BMP2K: variants seen among roughly 807,000 people sequenced by gnomAD.
BMP2K encodes BMP-2-inducible protein kinase.
A neutral mutation model predicts 116.0 loss-of-function variants in BMP2K; 74 were observed. The observed-to-expected ratio is 0.64, with a 90% confidence interval of 0.53 to 0.77. BMP2K has a LOEUF of 0.77. BMP2K is among the 30% of genes least tolerant of loss of function. BMP2K has a pLI of 0.00. For missense variants in BMP2K, 1,365 were observed against 1,403.6 expected (o/e 0.97, Z 0.44); for synonymous variants, 486 against 502.5 (o/e 0.97, Z 0.44).
Position 78,776,482 on chromosome 4 carries a change from C to T in BMP2K, c.-62C>T, listed in dbSNP as rs1727236623. 7.2e-6 allele frequency: 8 copies of T among 1,111,730 alleles called. No individual in the cohort carries two copies. The South Asian group carries it at 2.6e-4, about 36-fold the overall frequency. The allele number at this position is 1,111,730 out of a possible 1,614,324, so 68.9% of individuals were successfully genotyped here. A position where few individuals can be genotyped will look rare whatever the true frequency, so the allele number is the denominator to read the frequency against. ...GCGACCCCTCGCGGACGCCCGGCTG[C>T]GCGCCGGGCCGGGGACTTGCCCTTG... is the stretch of plus-strand genomic sequence containing the variant. On this transcript the variant is annotated 5_prime_UTR_variant, in exon 1 of 16. Transcript: ENST00000502613.
At chr4:78,866,879 G>A (rs1446756223) in intron 10 of BMP2K, among the ~76,000 whole-genome samples, 1 of 152,144 alleles carries the variant, frequency 6.6e-6, no homozygotes, top group African/African-American at 2.4e-5. Context: ...CGAACTCAAA[G>A]GGAAGTAGGC....
At position 78,911,528 on chromosome 4, in the gene BMP2K, G is replaced by A; in HGVS notation, c.2981G>A (p.Gly994Glu). The change falls in exon 16 of 16, where the codon GGG (glycine) becomes GAG (glutamate). Residue 994 changes from glycine (G) to glutamate (E), a missense_variant. Gly to Glu is a moderately conservative substitution (Grantham distance 98, BLOSUM62 -2). Around this residue, in one of 3 missense-constraint regions of BMP2K, gnomAD observed 596 missense variants for 623.2 expected, o/e 0.96. Transcript: ENST00000502613. The part of the protein sequence containing the change: ...RTKQDMSKSN[G>E]KRHHGTPTST... Reference sequence around the variant, plus strand: ...AAGCAGGATATGTCCAAAAGTAATGGGAAGCGGCATCATGGCACGCCAACT... The same window carrying A: ...AAGCAGGATATGTCCAAAAGTAATGAGAAGCGGCATCATGGCACGCCAACT... The A allele has an allele frequency of 1.2e-6, 2 of 1,613,990 alleles. No homozygotes were observed. Among genetic ancestry groups the A allele is most frequent in the Admixed American group, 1.7e-5 (1 of 60,024 alleles).
At chr4:78,847,126 T>C in intron 5 of BMP2K, 62 bp from the exon 6 acceptor site, 1 of 934,220 alleles carries the variant, frequency 1.1e-6, no homozygotes, top group Non-Finnish European at 1.4e-6. Flanking sequence ...AACAATGTAT[T>C]ATCTGTCTTT....
intron 1 of BMP2K, among the ~76,000 whole-genome samples, chr4:78,818,293 T>C (rs533311805): frequency 6.6e-6 from 1 of 152,298 alleles, no homozygotes; most frequent in African/African-American, 2.4e-5. Flanking sequence ...ACGGGATTGC[T>C]GGGTCAAATG....
At chr4:78,900,310 G>A (rs1011260748) in intron 15 of BMP2K, among the ~76,000 whole-genome samples, 3 of 152,178 alleles carry the variant, frequency 2.0e-5, no homozygotes, top group Non-Finnish European at 4.4e-5. Context: ...TAGGCTATTA[G>A]CAGTTAAGTT....
intron 2 of BMP2K, among the ~76,000 whole-genome samples, chr4:78,832,868 C>T (rs1226430314): frequency 6.6e-6 from 1 of 151,912 alleles, no homozygotes; most frequent in Non-Finnish European, 1.5e-5. Context: ...AATTACATTG[C>T]ATAGTTAAAA....
At chr4:78,892,716 T>A (rs1157604286) in intron 15 of BMP2K, among the ~76,000 whole-genome samples, 1 of 152,222 alleles carries the variant, frequency 6.6e-6, no homozygotes, top group Non-Finnish European at 1.5e-5. Flanking sequence ...GGACACACAT[T>A]TTTTTGTTTC....
chr4:78,796,855 T>TA (rs1161703677), intron 1 of BMP2K, among the ~76,000 whole-genome samples: 3 of 152,110 alleles, frequency 2.0e-5, no homozygotes, highest in Non-Finnish European at 2.9e-5. Flanking sequence ...TCAGTTCTGC[T>TA]AAAAAAAGTT....
intron 15 of BMP2K, chr4:78,899,216 G>A (rs1324180291): frequency 6.6e-6 from 1 of 152,040 alleles, no homozygotes; most frequent in African/African-American, 2.4e-5. Flanking sequence ...AGATTTAGAG[G>A]GGCAGAATAT....
intron 1 of BMP2K, among the ~76,000 whole-genome samples, chr4:78,817,734 G>C (rs1729421136): frequency 6.6e-6 from 1 of 152,138 alleles, no homozygotes; most frequent in African/African-American, 2.4e-5. Context: ...CGGGGGAAAG[G>C]GAAGGGAGGG....
At chr4:78,886,929 T>C (rs1282156096) in intron 14 of BMP2K, among the ~76,000 whole-genome samples, 1 of 152,160 alleles carries the variant, frequency 6.6e-6, no homozygotes, top group Non-Finnish European at 1.5e-5. Context: ...AAGTTTATTG[T>C]TGGGTTAATT....
intron 15 of BMP2K, among the ~76,000 whole-genome samples, chr4:78,891,299 T>A (rs1733422878): frequency 1.3e-5 from 2 of 152,164 alleles, no homozygotes; most frequent in African/African-American, 2.4e-5. Context: ...CCTCTTTCTC[T>A]TCCTCCTTAC....
chr4:78,790,978 G>C (rs1053018047), intron 1 of BMP2K, among the ~76,000 whole-genome samples: 1 of 151,986 alleles, frequency 6.6e-6, no homozygotes, highest in East Asian at 1.9e-4. Context: ...CTGAGCCCCT[G>C]GCCATCTTTT....
intron 1 of BMP2K, among the ~76,000 whole-genome samples, chr4:78,810,213 A>G (rs1407097899): frequency 6.6e-6 from 1 of 152,146 alleles, no homozygotes; most frequent in Non-Finnish European, 1.5e-5. Flanking sequence ...CAATACTCCA[A>G]TGCAGTTTAT....
chr4:78,779,067 A>C (rs1266879570), intron 1 of BMP2K, among the ~76,000 whole-genome samples: 1 of 152,172 alleles, frequency 6.6e-6, no homozygotes, highest in Admixed American at 6.5e-5. Flanking sequence ...GTGTCTTTTT[A>C]ATAAATCCGT....
At chr4:78,862,490 CTA>C (rs1361690953) in intron 9 of BMP2K, among the ~76,000 whole-genome samples, 1 of 151,966 alleles carries the variant, frequency 6.6e-6, no homozygotes, top group Non-Finnish European at 1.5e-5. Context: ...GCAAGAATGA[CTA>C]TTGTGAAACT....
intron 7 of BMP2K, among the ~76,000 whole-genome samples, chr4:78,852,264 T>C (rs2110034893): frequency 6.6e-6 from 1 of 152,254 alleles, no homozygotes; most frequent in East Asian, 1.9e-4. Context: ...AGTTAATTGA[T>C]GCATTACAGT....
chr4:78,874,847 TG>T, intron 13 of BMP2K, among the ~76,000 whole-genome samples: 1 of 152,340 alleles, frequency 6.6e-6, no homozygotes, highest in South Asian at 2.1e-4. Flanking sequence ...TTTGTAGTGA[TG>T]CTATTCGACA....
At chr4:78,907,361 T>TA (rs1560557599) in intron 15 of BMP2K, among the ~76,000 whole-genome samples, 1 of 152,174 alleles carries the variant, frequency 6.6e-6, no homozygotes, top group African/African-American at 2.4e-5. Flanking sequence ...ATGAAAACAG[T>TA]AAATTTTAAG....
Sources: gnomAD v4.1 joint callset for allele counts (sites outside exome capture counted in the v4.1 genomes callset) on GRCh38, gnomAD v4.1.1 for gene constraint, gnomAD v4.1.1 regional missense constraint, MANE v1.5 for transcripts, NCBI Gene and HGNC (gene_info 2026-07-23, HGNC 2026-07-21) for gene names.